INPP4B: variants seen among roughly 807,000 people sequenced by gnomAD.
INPP4B encodes inositol polyphosphate-4-phosphatase type II B, also known as inositol polyphosphate 4-phosphatase type II.
Under a neutral mutation model 122.5 loss-of-function variants are expected in INPP4B, and 55 were observed. That is an observed-to-expected ratio of 0.45 (90% CI 0.36 to 0.56). The LOEUF is 0.56. INPP4B is among the 20% of genes least tolerant of loss of function. INPP4B has a pLI of 0.00. For synonymous variants in INPP4B, 403 were observed against 388.7 expected (o/e 1.04, Z -0.43); for missense variants, 1,000 against 1,097.7 (o/e 0.91, Z 1.26).
intron 5 of INPP4B, among the ~76,000 whole-genome samples, chr4:142,417,475 T>G (rs1806012580): frequency 6.6e-6 from 1 of 152,072 alleles, no homozygotes; most frequent in Non-Finnish European, 1.5e-5. Flanking sequence ...CTTGTGTGGA[T>G]CCAATTAAAT....
chr4:142,218,428 T>C (rs112392976), intron 12 of INPP4B, among the ~76,000 whole-genome samples: 1 of 152,182 alleles, frequency 6.6e-6, no homozygotes, highest in African/African-American at 2.4e-5. Flanking sequence ...TCTGGGTATA[T>C]AAATTCAAAA....
intron 2 of INPP4B, among the ~76,000 whole-genome samples, chr4:142,539,084 A>T (rs965317954): frequency 6.7e-6 from 1 of 148,912 alleles, no homozygotes; most frequent in Admixed American, 6.7e-5. Context: ...TTGTTATTTT[A>T]TATATATATA....
intron 7 of INPP4B, among the ~76,000 whole-genome samples, chr4:142,348,824 G>A (rs888306040): frequency 6.6e-6 from 1 of 151,992 alleles, no homozygotes; most frequent in East Asian, 1.9e-4. Flanking sequence ...ATCAAGTTCA[G>A]TGAGTGCCTA....
chr4:142,070,070 C>G (rs57799678), intron 25 of INPP4B, among the ~76,000 whole-genome samples: 3 of 152,066 alleles, frequency 2.0e-5, no homozygotes, highest in Non-Finnish European at 4.4e-5. Flanking sequence ...TGAAGAACAT[C>G]GAAGCAAAAA....
intron 23 of INPP4B, among the ~76,000 whole-genome samples, chr4:142,099,400 C>A (rs1429828394): frequency 6.6e-6 from 1 of 152,018 alleles, no homozygotes; most frequent in African/African-American, 2.4e-5. Context: ...ATAAAATATG[C>A]AAAATATTTG....
chr4:142,308,409 A>G (rs748776841), intron 8 of INPP4B, among the ~76,000 whole-genome samples: 46 of 152,186 alleles, frequency 3.0e-4, no homozygotes, highest in Non-Finnish European at 4.4e-4. Context: ...TGTATAAACT[A>G]CATTAATAAA....
At position 142,389,343 on chromosome 4, in the gene INPP4B, C is replaced by T. The variant is rs571155313; in HGVS notation, c.372+13595G>A. On this transcript the variant is annotated intron_variant, in intron 7 of 25. Transcript: ENST00000262992. ...TCTTTCAGTGTAGTTATATATGTGT[C>T]ATGTGTATAATGTTTCCGTAAAAGA... Among the ~76,000 whole-genome samples, 3 of 151,564 alleles carry T rather than the reference C, an allele frequency of 2.0e-5. No homozygotes were observed. In the East Asian group the frequency reaches 5.8e-4, roughly 29 times the overall value.
chr4:142,352,046 A>G (rs1014418498), intron 7 of INPP4B, among the ~76,000 whole-genome samples: 1 of 151,996 alleles, frequency 6.6e-6, no homozygotes, highest in Admixed American at 6.6e-5. Flanking sequence ...TGTTTAGAAT[A>G]TAAGTAATGA....
chr4:142,841,760 T>C (rs940208558), intron 1 of INPP4B, among the ~76,000 whole-genome samples: 3 of 151,930 alleles, frequency 2.0e-5, no homozygotes, highest in African/African-American at 7.2e-5. Context: ...AAAAATCATA[T>C]TTTTCTTTTG....
chr4:142,463,147 A>G (rs1223477810), intron 2 of INPP4B, among the ~76,000 whole-genome samples: 1 of 152,246 alleles, frequency 6.6e-6, no homozygotes, highest in East Asian at 1.9e-4. Context: ...CTTCTGGGAG[A>G]AAACCTCTGA....
intron 2 of INPP4B, among the ~76,000 whole-genome samples, chr4:142,524,779 T>G (rs905385490): frequency 4.0e-5 from 6 of 151,674 alleles, no homozygotes; most frequent in Non-Finnish European, 7.4e-5. Context: ...ACAGCCAATA[T>G]CATACTGAAT....
chr4:142,624,884 A>G (rs1203208168), intron 2 of INPP4B, among the ~76,000 whole-genome samples: 1 of 152,150 alleles, frequency 6.6e-6, no homozygotes, highest in Non-Finnish European at 1.5e-5. Flanking sequence ...CAAAAACCAC[A>G]TGATTATCTC....
chr4:142,578,337 C>T (rs150624772), intron 2 of INPP4B, among the ~76,000 whole-genome samples: 162 of 152,004 alleles, frequency 1.1e-3, no homozygotes, highest in Admixed American at 1.4e-3. Context: ...CTATGAATGT[C>T]CAACTTTTCT....
chr4:142,410,487 G>A (rs1332198056), intron 5 of INPP4B, among the ~76,000 whole-genome samples: 1 of 152,188 alleles, frequency 6.6e-6, no homozygotes, highest in Non-Finnish European at 1.5e-5. Flanking sequence ...GGCCACAGGT[G>A]CGTGGGAATC....
intron 25 of INPP4B, among the ~76,000 whole-genome samples, chr4:142,032,871 T>A (rs1242037262): frequency 6.6e-6 from 1 of 152,076 alleles, no homozygotes; most frequent in Non-Finnish European, 1.5e-5. Flanking sequence ...CATTTGTATA[T>A]CAATAAATAG....
chr4:142,535,734 A>G (rs960460975), intron 2 of INPP4B, among the ~76,000 whole-genome samples: 1 of 148,896 alleles, frequency 6.7e-6, no homozygotes, highest in Admixed American at 6.7e-5. Flanking sequence ...GTGTGTGCAT[A>G]TTTCCTAAAT....
chr4:142,317,660 T>G (rs1768251532), intron 7 of INPP4B: 1 of 152,690 alleles, frequency 6.5e-6, no homozygotes, highest in Admixed American at 6.5e-5. Flanking sequence ...GAAATAATTC[T>G]GAGGATTTTT....
chr4:142,635,278 A>G (rs1435375710), intron 2 of INPP4B, among the ~76,000 whole-genome samples: 1 of 152,194 alleles, frequency 6.6e-6, no homozygotes, highest in Non-Finnish European at 1.5e-5. Context: ...AATTAGCTCA[A>G]TTATTGTGGA....
chr4:142,687,559 C>CAA lies in INPP4B; in HGVS notation c.-191+38278_-191+38279dup, dbSNP rs3080815. On this transcript the variant is annotated intron_variant, in intron 2 of 25. Coordinates refer to ENST00000262992, the MANE Select transcript of INPP4B (RefSeq NM_001101669.3). ...TTTTCTTTCCCAATTATCCTTCCTC[C>CAA]AAAAAAAAAAAAAAAAAAAAAAATC... 1.2e-3 allele frequency among the ~76,000 whole-genome samples: 117 copies of CAA among 100,532 alleles called. 1 individual carries two copies. Among genetic ancestry groups the CAA allele is most frequent in the African/African-American group, 2.1e-3 (54 of 25,678 alleles). 66.0% of individuals were successfully genotyped at this position (100,532 alleles called of 152,430 possible).
Sources: gnomAD v4.1 joint callset for allele counts (sites outside exome capture counted in the v4.1 genomes callset) on GRCh38, gnomAD v4.1.1 for gene constraint, MANE v1.5 for transcripts, NCBI Gene and HGNC (gene_info 2026-07-23, HGNC 2026-07-21) for gene names.